Variants in CRACDL observed in about 807,000 individuals in gnomAD.
The protein encoded by CRACDL is CRACD like.
A neutral mutation model predicts 70.6 loss-of-function variants in CRACDL; 26 were observed. That is an observed-to-expected ratio of 0.37 (90% CI 0.27 to 0.51). The LOEUF (loss-of-function observed/expected upper bound fraction) is 0.51. Among genes scored for constraint, CRACDL ranks in the 20% least tolerant of loss-of-function variants. The pLI, the probability that CRACDL is intolerant of heterozygous loss-of-function variation, is 0.94. For missense variants in CRACDL, 1,283 were observed against 1,376.9 expected, an observed-to-expected ratio of 0.93 and a Z score of 1.08; for synonymous variants, 618 against 615.2, an observed-to-expected ratio of 1.00 and a Z score of -0.07.
rs1490775476 is a variant in CRACDL, at chr2:98,838,143, C to A, written c.215G>T (p.Gly72Val). The change falls in exon 3 of 10, where the codon GGC becomes GTC. Residue 72 changes from glycine to valine, a missense_variant. Around this residue, in one of 2 missense-constraint regions of CRACDL, gnomAD observed 362 missense variants for 495.0 expected, o/e 0.73. Coordinates refer to ENST00000397899, the MANE Select transcript of CRACDL (RefSeq NM_207362.3). ...EVIAIESGPV[G>V]YDSEDELEES... ...CTCCAGCTCATCCTCGGAGTCGTAG[C>A]CCACTGGCCCGGATTCGATGGCAAT... 5 of 1,611,440 alleles carry A rather than the reference C, an allele frequency of 3.1e-6. No homozygotes were observed. The highest frequency in any genetic ancestry group is 3.4e-6 in the Non-Finnish European group (4 of 1,179,136).
chr2:98,811,292 A>T (rs1704546095), intron 7 of CRACDL, among the ~76,000 whole-genome samples: 1 of 151,854 alleles, frequency 6.6e-6, no homozygotes, highest in Non-Finnish European at 1.5e-5. Context: ...TGGGCGGATC[A>T]CGAGGTCAGG....
chr2:98,865,907 T>G (rs1707118677), intron 1 of CRACDL, among the ~76,000 whole-genome samples: 1 of 151,556 alleles, frequency 6.6e-6, no homozygotes, highest in Admixed American at 6.6e-5. Context: ...TTCAAGTGAT[T>G]CTCCTGCCTC....
At chr2:98,824,522 A>G (rs550619052) in intron 6 of CRACDL, among the ~76,000 whole-genome samples, 279 of 152,222 alleles carry the variant, frequency 1.8e-3, no homozygotes, top group Non-Finnish European at 3.1e-3. Context: ...CGGGAAGGAA[A>G]GGAGCTCCAG....
At chr2:98,811,090 T>C (rs746503238) in intron 7 of CRACDL, among the ~76,000 whole-genome samples, 14 of 152,240 alleles carry the variant, frequency 9.2e-5, no homozygotes, top group Non-Finnish European at 1.5e-4. Context: ...CCCATCTTGT[T>C]GTGGTTATGA....
chr2:98,795,077 A>ATATATATATATATATATATATT, intron 9 of CRACDL, among the ~76,000 whole-genome samples: 2 of 58,478 alleles, frequency 3.4e-5, no homozygotes, highest in African/African-American at 6.6e-5. Flanking sequence ...ATATATATAT[A>ATATATATATATATATATATATT]TTTTTTTTTT....
chr2:98,812,458 T>C (rs1169527711), intron 7 of CRACDL, among the ~76,000 whole-genome samples: 2 of 152,224 alleles, frequency 1.3e-5, no homozygotes, highest in African/African-American at 4.8e-5. Flanking sequence ...GCATTCCCAT[T>C]GGCCATAGAG....
chr2:98,799,116 C>T (rs1249434583), intron 7 of CRACDL, among the ~76,000 whole-genome samples: 1 of 152,178 alleles, frequency 6.6e-6, no homozygotes, highest in Non-Finnish European at 1.5e-5. Flanking sequence ...CACCTCTCCT[C>T]AGTTCCCTTC....
intron 1 of CRACDL, among the ~76,000 whole-genome samples, chr2:98,897,987 C>G (rs1465995185): frequency 3.9e-5 from 6 of 152,206 alleles, no homozygotes; most frequent in African/African-American, 1.4e-4. Context: ...GCTTTCGCCA[C>G]CAGTGGGTGG....
rs1450739835 is a variant in CRACDL, at chr2:98,838,707, C to T, written c.71-420G>A. On this transcript the variant is annotated intron_variant, in intron 2 of 9. Coordinates refer to ENST00000397899, the MANE Select transcript of CRACDL (RefSeq NM_207362.3). ...AAATAAAAATTATGAATTGCTTTGTCTAGTGTGAATACAGCATCAAGGACA... is the reference window on the plus strand; with the variant it reads ...AAATAAAAATTATGAATTGCTTTGTTTAGTGTGAATACAGCATCAAGGACA... 2.0e-5 allele frequency among the ~76,000 whole-genome samples: 3 copies of T among 152,176 alleles called. No individual in the cohort carries two copies. In the East Asian group the frequency reaches 5.8e-4, roughly 29 times the overall value.
At chr2:98,903,269 C>T (rs1031146013) in intron 1 of CRACDL, among the ~76,000 whole-genome samples, 2 of 152,200 alleles carry the variant, frequency 1.3e-5, no homozygotes, top group African/African-American at 4.8e-5. Flanking sequence ...TCCCTCACTG[C>T]TGCATAGACT....
chr2:98,895,666 A>G (rs764985762), intron 1 of CRACDL, among the ~76,000 whole-genome samples: 48 of 152,158 alleles, frequency 3.2e-4, no homozygotes, highest in Admixed American at 1.9e-3. Flanking sequence ...TTCTAAAGGT[A>G]ATTAAAGCAC....
At chr2:98,841,367 C>T (rs968984264) in intron 2 of CRACDL, among the ~76,000 whole-genome samples, 7 of 151,890 alleles carry the variant, frequency 4.6e-5, no homozygotes, top group African/African-American at 1.7e-4. Flanking sequence ...AAAAAAATTC[C>T]ATTTATTCCA....
At chr2:98,866,475 CTTTTTTTTTTTTTTTTT>C (rs1173322192) in intron 1 of CRACDL, among the ~76,000 whole-genome samples, 23 of 43,232 alleles carry the variant, frequency 5.3e-4, no homozygotes, top group Non-Finnish European at 7.3e-4. Context: ...ATCACTTCTT[CTTTTTTTTTTTTTTTTT>C]TTTTTTTTTT....
intron 1 of CRACDL, among the ~76,000 whole-genome samples, chr2:98,910,917 A>G (rs72957660): frequency 0.01 from 1,592 of 152,298 alleles, 34 homozygotes; most frequent in East Asian, 0.074. Flanking sequence ...GGGAATTACC[A>G]CTCAGTAAAA....
chr2:98,860,849 A>T (rs1427062918), intron 1 of CRACDL, among the ~76,000 whole-genome samples: 1 of 152,248 alleles, frequency 6.6e-6, no homozygotes, highest in African/African-American at 2.4e-5. Context: ...CTTGTATATC[A>T]TCTATCTGAT....
intron 1 of CRACDL, among the ~76,000 whole-genome samples, chr2:98,875,186 C>T (rs988111448): frequency 1.3e-5 from 2 of 152,226 alleles, no homozygotes; most frequent in African/African-American, 4.8e-5. Flanking sequence ...CAGGCACGGC[C>T]CCCCGCCCAT....
chr2:98,796,005 G>T (rs1703801913), intron 9 of CRACDL, 115 bp downstream of exon 9: 1 of 936,282 alleles, frequency 1.1e-6, no homozygotes, highest in Non-Finnish European at 1.7e-6. Context: ...GAGCTGTGTA[G>T]AAAACTCAAT....
chr2:98,820,233 T>C (rs1245887432), intron 7 of CRACDL, among the ~76,000 whole-genome samples: 1 of 152,004 alleles, frequency 6.6e-6, no homozygotes, highest in Non-Finnish European at 1.5e-5. Flanking sequence ...TTTCCATTAA[T>C]TTAAAAAACC....
intron 7 of CRACDL, among the ~76,000 whole-genome samples, chr2:98,798,896 C>T (rs1294686173): frequency 6.6e-6 from 1 of 152,072 alleles, no homozygotes; most frequent in Non-Finnish European, 1.5e-5. Context: ...GTTGCCCAGG[C>T]TGGTCTCGAA....
Sources: gnomAD v4.1 joint callset for allele counts (sites outside exome capture counted in the v4.1 genomes callset) on GRCh38, gnomAD v4.1.1 for gene constraint, gnomAD v4.1.1 regional missense constraint, MANE v1.5 for transcripts, NCBI Gene and HGNC (gene_info 2026-07-23, HGNC 2026-07-21) for gene names.